GRIN2B: variants seen among roughly 807,000 people sequenced by gnomAD.
GRIN2B encodes glutamate receptor ionotropic, NMDA 2B.
Under a neutral mutation model 114.5 loss-of-function variants are expected in GRIN2B, and 5 were observed. The observed-to-expected ratio is 0.04, with a 90% confidence interval of 0.02 to 0.09. GRIN2B has a LOEUF of 0.09. Ranked by LOEUF, GRIN2B falls within the 10% of genes least tolerant of loss-of-function variation. The pLI, the probability that GRIN2B is intolerant of heterozygous loss-of-function variation, is 1.00. For synonymous variants in GRIN2B, 787 were observed against 745.1 expected (o/e 1.06, Z -0.92); for missense variants, 1,108 against 1,943.5 (o/e 0.57, Z 8.08).
intron 13 of GRIN2B, among the ~76,000 whole-genome samples, chr12:13,565,363 T>G (rs1371688537): frequency 6.6e-6 from 1 of 152,176 alleles, no homozygotes; most frequent in African/African-American, 2.4e-5. Context: ...AATAACTCCC[T>G]TGTTGAATTC....
At chr12:13,641,699 C>T (rs528351285) in intron 5 of GRIN2B, among the ~76,000 whole-genome samples, 1 of 152,230 alleles carries the variant, frequency 6.6e-6, no homozygotes, top group East Asian at 1.9e-4. Flanking sequence ...GGACTGAGCC[C>T]TGTGCAGCAC....
intron 2 of GRIN2B, among the ~76,000 whole-genome samples, chr12:13,947,177 C>T (rs1867376519): frequency 6.6e-6 from 1 of 152,214 alleles, no homozygotes; most frequent in Admixed American, 6.5e-5. Flanking sequence ...CAGTTTGTTG[C>T]TGTGTTGCAG....
intron 10 of GRIN2B, among the ~76,000 whole-genome samples, chr12:13,597,087 G>A (rs1949083201): frequency 6.6e-6 from 1 of 152,140 alleles, no homozygotes; most frequent in African/African-American, 2.4e-5. Flanking sequence ...TGTGACTTAG[G>A]TGAATTTGCT....
At chr12:13,578,429 A>C (rs1445115853) in intron 10 of GRIN2B, among the ~76,000 whole-genome samples, 2 of 152,206 alleles carry the variant, frequency 1.3e-5, no homozygotes, top group East Asian at 1.9e-4. Flanking sequence ...TGAGGCCACC[A>C]TGCCGGAGAT....
chr12:13,932,810 C>A (rs1867057467), intron 2 of GRIN2B, among the ~76,000 whole-genome samples: 1 of 152,076 alleles, frequency 6.6e-6, no homozygotes. Context: ...AGCAGCCAAC[C>A]CTTAACCACA....
At chr12:13,961,869 A>G (rs1057511890) in intron 2 of GRIN2B, among the ~76,000 whole-genome samples, 7 of 152,096 alleles carry the variant, frequency 4.6e-5, no homozygotes, top group African/African-American at 1.7e-4. Context: ...TCAGGCACAT[A>G]TGAGACAAAG....
chr12:13,843,107 T>TG (rs201556070), intron 3 of GRIN2B, among the ~76,000 whole-genome samples: 4 of 128,824 alleles, frequency 3.1e-5, no homozygotes, highest in Non-Finnish European at 6.7e-5. Flanking sequence ...CTTGCTACAC[T>TG]GGGGAAAAAA....
At chr12:13,710,465 T>C (rs1321022062) in intron 4 of GRIN2B, among the ~76,000 whole-genome samples, 1 of 152,148 alleles carries the variant, frequency 6.6e-6, no homozygotes, top group Non-Finnish European at 1.5e-5. Context: ...GACACGATTG[T>C]ATGTCTAGAA....
chr12:13,942,212 C>G (rs1210679443), intron 2 of GRIN2B, among the ~76,000 whole-genome samples: 2 of 152,160 alleles, frequency 1.3e-5, no homozygotes, highest in African/African-American at 2.4e-5. Flanking sequence ...GCCAGAAGAG[C>G]TGATATGACA....
intron 4 of GRIN2B, among the ~76,000 whole-genome samples, chr12:13,740,309 T>C (rs887148224): frequency 5.3e-5 from 8 of 152,224 alleles, no homozygotes; most frequent in Admixed American, 5.2e-4. Flanking sequence ...GTGAAGACAA[T>C]CAGATGAATG....
intron 10 of GRIN2B, 106 bp from the exon 11 acceptor site, chr12:13,572,070 T>A: frequency 2.2e-6 from 2 of 902,070 alleles, no homozygotes; most frequent in South Asian, 1.4e-5. Context: ...TTAGCATTAG[T>A]GGATTTATAA....
intron 3 of GRIN2B, among the ~76,000 whole-genome samples, chr12:13,799,821 C>T (rs1349943764): frequency 1.3e-5 from 2 of 151,882 alleles, no homozygotes; most frequent in African/African-American, 2.4e-5. Flanking sequence ...AGGATGCCAC[C>T]CAGGGTGAGA....
rs982471141 is a variant in GRIN2B at position 13,677,676 on chromosome 12, G to A, written c.1011-1817C>T. 7.9e-5 allele frequency among the ~76,000 whole-genome samples: 12 copies of A among 150,952 alleles called. No individual in the cohort carries two copies. In the East Asian group the frequency reaches 2.0e-3, roughly 25 times the overall value. On this transcript the variant is annotated intron_variant, in intron 4 of 13. Coordinates refer to ENST00000609686, the MANE Select transcript of GRIN2B (RefSeq NM_000834.5). ...TTTCACTGATGGGGAACTTTTAATG[G>A]CACCTTCTGGGCTCAAGGTAGGCAT...
chr12:13,833,862 AG>A (rs1054911529), intron 3 of GRIN2B, among the ~76,000 whole-genome samples: 1 of 151,926 alleles, frequency 6.6e-6, no homozygotes, highest in African/African-American at 2.4e-5. Flanking sequence ...TCCCTAATGA[AG>A]ATTACAGATG....
intron 3 of GRIN2B, among the ~76,000 whole-genome samples, chr12:13,837,243 C>T (rs145336611): frequency 3.9e-5 from 6 of 152,310 alleles, no homozygotes; most frequent in Admixed American, 2.6e-4. Flanking sequence ...TCCCACAAAA[C>T]ACACCCTCTC....
At chr12:13,788,468 G>C (rs2136662158) in intron 3 of GRIN2B, among the ~76,000 whole-genome samples, 1 of 152,180 alleles carries the variant, frequency 6.6e-6, no homozygotes, top group Middle Eastern at 3.4e-3. Flanking sequence ...CTCTTACCAA[G>C]CATTTGCTAG....
chr12:13,881,095 A>G (rs1016077133), intron 2 of GRIN2B, among the ~76,000 whole-genome samples: 6 of 152,114 alleles, frequency 3.9e-5, no homozygotes, highest in Non-Finnish European at 4.4e-5. Flanking sequence ...CTTTATTTCT[A>G]TTCATTTTGC....
At position 13,592,937 on chromosome 12, in the gene GRIN2B, A is replaced by G. The variant is rs562635614; in HGVS notation, c.2010+15666T>C. 9.8e-5 allele frequency among the ~76,000 whole-genome samples: 15 copies of G among 152,326 alleles called. No homozygotes were observed. In the South Asian group the frequency reaches 2.9e-3, roughly 29 times the overall value. ...TAAACTGGAAGTTTAAATACATAAA[A>G]GCATGCTAAAAAAATGTAGTGGTCA... On this transcript the variant is annotated intron_variant, in intron 10 of 13. Transcript: ENST00000609686.
intron 2 of GRIN2B, among the ~76,000 whole-genome samples, chr12:13,875,304 G>A (rs1245662615): frequency 6.6e-6 from 1 of 152,188 alleles, no homozygotes; most frequent in Non-Finnish European, 1.5e-5. Flanking sequence ...CAAGGTGGGT[G>A]GATCACGAGG....
Sources: gnomAD v4.1 joint callset for allele counts (sites outside exome capture counted in the v4.1 genomes callset) on GRCh38, gnomAD v4.1.1 for gene constraint, MANE v1.5 for transcripts, NCBI Gene and HGNC (gene_info 2026-07-23, HGNC 2026-07-21) for gene names.